Variants in FAM184B observed in about 807,000 individuals in gnomAD.
FAM184B encodes family with sequence similarity 184 member B.
FAM184B carries 111 observed loss-of-function variants against 135.9 expected under a neutral mutation model. The ratio of observed to expected loss-of-function variants is 0.82; its 90% CI spans 0.70 to 0.96. FAM184B has a LOEUF of 0.96. Among genes scored for constraint, FAM184B ranks in the 40% least tolerant of loss-of-function variants. FAM184B has a pLI of 0.00. For synonymous variants in FAM184B, 552 were observed against 524.8 expected (o/e 1.05, Z -0.71); for missense variants, 1,375 against 1,323.9 (o/e 1.04, Z -0.60).
At position 17,632,457 on chromosome 4, in the gene FAM184B, A is replaced by T; in HGVS notation, c.*75T>A. 2 of 1,243,176 alleles carry T rather than the reference A, an allele frequency of 1.6e-6. No homozygotes were observed. The highest frequency in any genetic ancestry group is 2.3e-6 in the Non-Finnish European group (2 of 883,866). 77.0% of individuals were successfully genotyped at this position (1,243,176 alleles called of 1,614,324 possible). On this transcript the variant is annotated 3_prime_UTR_variant, in exon 18 of 18. Transcript: ENST00000265018. Reference sequence around the variant, plus strand: ...GCATATTATTTGGTTGGTTGGTGTTAGTTCATTCCTTCAATCGGATGATTT... The same window carrying T: ...GCATATTATTTGGTTGGTTGGTGTTTGTTCATTCCTTCAATCGGATGATTT...
At chr4:17,687,039 C>A (rs1422833398) in intron 7 of FAM184B, among the ~76,000 whole-genome samples, 1 of 152,200 alleles carries the variant, frequency 6.6e-6, no homozygotes, top group African/African-American at 2.4e-5. Context: ...TCCACAGTCA[C>A]TAGATTTTGG....
chr4:17,781,330 T>C lies in FAM184B; in HGVS notation c.-31A>G. ...AAACGCGCCCAGCACTCAGACTCTCTCGTTTTCTCCCTGCCCACCGTGTGC... is the reference window on the plus strand; with the variant it reads ...AAACGCGCCCAGCACTCAGACTCTCCCGTTTTCTCCCTGCCCACCGTGTGC... On this transcript the variant is annotated 5_prime_UTR_variant, in exon 1 of 18. Coordinates refer to ENST00000265018, the MANE Select transcript of FAM184B (RefSeq NM_015688.2). This position sits in a 1 kb window ranked among gnomAD's most constrained non-coding sequence, Gnocchi z 6.5. 15 of 1,496,642 alleles carry C rather than the reference T, an allele frequency of 1.0e-5. No homozygotes were observed. Among genetic ancestry groups the C allele is most frequent in the African/African-American group, 1.4e-5 (1 of 70,844 alleles). 92.7% of individuals were successfully genotyped at this position (1,496,642 alleles called of 1,614,324 possible). A position where few individuals can be genotyped will look rare whatever the true frequency, so the allele number is the denominator to read the frequency against.
chr4:17,712,763 A>G (rs1436325125), intron 1 of FAM184B, among the ~76,000 whole-genome samples: 1 of 152,148 alleles, frequency 6.6e-6, no homozygotes, highest in Non-Finnish European at 1.5e-5. Flanking sequence ...AAAGCTTTGT[A>G]TGGCTTTAAA....
rs75377421 is a variant in FAM184B at position 17,676,582 on chromosome 4, A to G, written c.1596+11842T>C. 2.4e-3 allele frequency among the ~76,000 whole-genome samples: 366 copies of G among 152,330 alleles called. 8 individuals are homozygous for G. Among genetic ancestry groups the G allele is most frequent in the African/African-American group, 8.5e-3 (353 of 41,582 alleles). On this transcript the variant is annotated intron_variant, in intron 7 of 17. Coordinates refer to ENST00000265018, the MANE Select transcript of FAM184B (RefSeq NM_015688.2). ...AACTTTTACATGTATTGGGAAACCA[A>G]TAAATTTGTGTGACTTGCTTTATTC...
At position 17,739,555 on chromosome 4, in the gene FAM184B, G is replaced by GTTTTTTTTGTTTT. The variant is rs1717980874; in HGVS notation, c.142-29912_142-29911insAAAACAAAAAAAA. Among the ~76,000 whole-genome samples, 2 of 62,510 alleles carry GTTTTTTTTGTTTT rather than the reference G, an allele frequency of 3.2e-5. 1 individual carries two copies. Among genetic ancestry groups the GTTTTTTTTGTTTT allele is most frequent in the Non-Finnish European group, 5.5e-5 (2 of 36,468 alleles). 41.0% of individuals were successfully genotyped at this position (62,510 alleles called of 152,430 possible). On this transcript the variant is annotated intron_variant, in intron 1 of 17. Transcript: ENST00000265018. ...CCCTACACCATATGTCATACCAACT[G>GTTTTTTTTGTTTT]TTTTTTTTTTTTTTTTGAGATGGGG...
In FAM184B at chr4:17,723,597, T is replaced by C. The variant is rs1717579491; in HGVS notation, c.142-13953A>G. 2.0e-5 allele frequency among the ~76,000 whole-genome samples: 3 copies of C among 152,250 alleles called. No individual in the cohort carries two copies. The South Asian group carries it at 6.2e-4, about 32-fold the overall frequency. ...AAGTCCACGGCCAGCCCATCTCTTG[T>C]CTCTGACTTATGCTCTCAGTAGCGT... On this transcript the variant is annotated intron_variant, in intron 1 of 17. Transcript: ENST00000265018.
intron 13 of FAM184B, 118 bp downstream of exon 13, chr4:17,641,938 G>A (rs1715329240): frequency 2.9e-6 from 4 of 1,380,190 alleles, no homozygotes; most frequent in Non-Finnish European, 3.8e-6. Flanking sequence ...TGTGGGGCAG[G>A]ATGCCGAGGC....
chr4:17,757,088 T>A (rs772108398), intron 1 of FAM184B, among the ~76,000 whole-genome samples: 2 of 152,182 alleles, frequency 1.3e-5, no homozygotes, highest in Admixed American at 6.6e-5. Flanking sequence ...CTATGAAGTG[T>A]TCTTGCCAAA....
At chr4:17,660,359 G>T (rs113603560) in intron 8 of FAM184B, among the ~76,000 whole-genome samples, 1 of 152,104 alleles carries the variant, frequency 6.6e-6, no homozygotes, top group African/African-American at 2.4e-5. Context: ...TGTTTTAGTG[G>T]GTTCTTAATA....
At chr4:17,696,099 T>G (rs1364862634) in intron 5 of FAM184B, among the ~76,000 whole-genome samples, 1 of 152,210 alleles carries the variant, frequency 6.6e-6, no homozygotes, top group African/African-American at 2.4e-5. Context: ...GCTGAGTACA[T>G]GCCATTTGCT....
At chr4:17,683,954 T>C (rs1716507317) in intron 7 of FAM184B, among the ~76,000 whole-genome samples, 1 of 151,608 alleles carries the variant, frequency 6.6e-6, no homozygotes, top group African/African-American at 2.4e-5. Context: ...TGGGCACCTG[T>C]AGTCCCAGCC....
In FAM184B at chr4:17,630,394, A is replaced by C. The variant is rs1714889269; in HGVS notation, c.*2138T>G. 1 of 152,188 alleles carries C rather than the reference A, an allele frequency of 6.6e-6. No individual in the cohort carries two copies. Among genetic ancestry groups the C allele is most frequent in the Non-Finnish European group, 1.5e-5 (1 of 68,044 alleles). 9.4% of individuals were successfully genotyped at this position (152,188 alleles called of 1,614,324 possible). A position where few individuals can be genotyped will look rare whatever the true frequency, so the allele number is the denominator to read the frequency against. Reference sequence around the variant, plus strand: ...CCTCATGAGTAGGATAAGTACCCTTACAAAAGAGGCTCAGGGAGGCGCTCT... The same window carrying C: ...CCTCATGAGTAGGATAAGTACCCTTCCAAAAGAGGCTCAGGGAGGCGCTCT... On this transcript the variant is annotated 3_prime_UTR_variant, in exon 18 of 18. Transcript: ENST00000265018.
chr4:17,632,819 G>T (rs6848360), intron 17 of FAM184B, 194 bp from the exon 18 acceptor site: 293,056 of 472,496 alleles, frequency 0.62, 93,099 homozygotes, highest in East Asian at 0.9. Context: ...ATCCTCATTT[G>T]GAAAACAGAA....
chr4:17,679,574 T>C (rs1222445659), intron 7 of FAM184B, among the ~76,000 whole-genome samples: 2 of 152,152 alleles, frequency 1.3e-5, no homozygotes, highest in East Asian at 1.9e-4. Flanking sequence ...CTGGTGAAAA[T>C]GTAAACTAGT....
intron 1 of FAM184B, among the ~76,000 whole-genome samples, chr4:17,746,007 G>A (rs1363453124): frequency 6.6e-6 from 1 of 152,056 alleles, no homozygotes; most frequent in Non-Finnish European, 1.5e-5. Context: ...CGCCCAGACT[G>A]GAGTGCACTG....
rs61741403 is a variant in FAM184B, at chr4:17,633,713, G to A, written c.3065C>T (p.Ser1022Phe). The A allele has an allele frequency of 0.031, 48,492 of 1,545,800 alleles. 891 individuals are homozygous for A. The highest frequency in any genetic ancestry group is 0.037 in the Non-Finnish European group (42,191 of 1,144,226). The change falls in exon 17 of 18, where the codon TCT (serine) becomes TTT (phenylalanine). Residue 1022 changes from serine (S) to phenylalanine (F), a missense_variant. Coordinates refer to ENST00000265018, the MANE Select transcript of FAM184B (RefSeq NM_015688.2). ...CCTTGTGGCAGTTTTTGCATCTGTAGACTGGTTGGGTTTGTAGGTCCGGCC... is the reference window on the plus strand; with the variant it reads ...CCTTGTGGCAGTTTTTGCATCTGTAAACTGGTTGGGTTTGTAGGTCCGGCC... ...SCGRTYKPNQ[S>F]TDAKTATRTP...
At position 17,707,636 on chromosome 4, in the gene FAM184B, C is replaced by T. The variant is rs1484873560; in HGVS notation, c.1030+13G>A. Reference sequence around the variant, plus strand: ...CTTGGGTCTTTTAAGGAAATCATTCCAGGGCATCTCACCTGTCTGCTGTGT... The same window carrying T: ...CTTGGGTCTTTTAAGGAAATCATTCTAGGGCATCTCACCTGTCTGCTGTGT... On this transcript the variant is annotated intron_variant, in intron 3 of 17. Transcript: ENST00000265018. The T allele has an allele frequency of 1.3e-6, 2 of 1,551,342 alleles. No individual in the cohort carries two copies. The highest frequency in any genetic ancestry group is 2.0e-5 in the Admixed American group (1 of 51,000).
At chr4:17,665,567 A>T (rs899351203) in intron 7 of FAM184B, among the ~76,000 whole-genome samples, 14 of 152,150 alleles carry the variant, frequency 9.2e-5, no homozygotes, top group African/African-American at 3.4e-4. Flanking sequence ...TCAACTGTGA[A>T]ACAAAGGGGC....
intron 6 of FAM184B, among the ~76,000 whole-genome samples, chr4:17,689,597 G>T (rs1482678606): frequency 6.6e-6 from 1 of 152,010 alleles, no homozygotes; most frequent in African/African-American, 2.4e-5. Flanking sequence ...CTCCTTAATG[G>T]TCCATTTGCT....
Sources: gnomAD v4.1 joint callset for allele counts (sites outside exome capture counted in the v4.1 genomes callset) on GRCh38, gnomAD v4.1.1 for gene constraint, Gnocchi (gnomAD v3.1) non-coding constraint, MANE v1.5 for transcripts, NCBI Gene and HGNC (gene_info 2026-07-23, HGNC 2026-07-21) for gene names.